The following PRIM2 variants were observed in gnomAD, a reference collection of about 807,000 sequenced individuals.
PRIM2 encodes the protein DNA primase large subunit.
PRIM2 carries 39 observed loss-of-function variants against 67.3 expected under a neutral mutation model. The ratio of observed to expected loss-of-function variants is 0.58; its 90% CI spans 0.45 to 0.76. PRIM2 has a LOEUF of 0.76. PRIM2 is among the 30% of genes least tolerant of loss of function. PRIM2 has a pLI of 0.00. For synonymous variants in PRIM2, 143 were observed against 198.7 expected, an observed-to-expected ratio of 0.72 and a Z score of 2.36; for missense variants, 398 against 598.7, an observed-to-expected ratio of 0.66 and a Z score of 3.50.
chr6:57,428,023 C>G (rs1156929238), intron 7 of PRIM2, among the ~76,000 whole-genome samples: 2 of 151,798 alleles, frequency 1.3e-5, no homozygotes, highest in African/African-American at 2.4e-5. Flanking sequence ...CCTGTGGCTA[C>G]ATTTAGACAG....
intron 12 of PRIM2, among the ~76,000 whole-genome samples, chr6:57,627,279 C>CAAAAAAAAAAAAAAAAAAAAAAAAAAAAA (rs1158722297): frequency 8.2e-5 from 2 of 24,538 alleles, no homozygotes; most frequent in African/African-American, 2.3e-4. Flanking sequence ...GACTCTGTCT[C>CAAAAAAAAAAAAAAAAAAAAAAAAAAAAA]AAAAAAAAAA....
At chr6:57,582,839 A>G (rs1302505738) in intron 10 of PRIM2, among the ~76,000 whole-genome samples, 1 of 150,978 alleles carries the variant, frequency 6.6e-6, no homozygotes, top group South Asian at 2.1e-4. Flanking sequence ...CACAATGTGC[A>G]GGTTAGTTAC....
At chr6:57,254,327 C>T in the PRIM2 span, among the ~76,000 whole-genome samples, 1 of 152,206 alleles carries the variant, frequency 6.6e-6, no homozygotes, top group Admixed American at 6.5e-5. Context: ...GATATTATGG[C>T]AACAAGTCCA....
chr6:57,359,413 G>A (rs1262244742), intron 5 of PRIM2, among the ~76,000 whole-genome samples: 1 of 152,232 alleles, frequency 6.6e-6, no homozygotes, highest in East Asian at 1.9e-4. Flanking sequence ...AGCCATCTAA[G>A]AACCTCCAGA....
intron 10 of PRIM2, among the ~76,000 whole-genome samples, chr6:57,543,086 C>T (rs1200414907): frequency 6.7e-6 from 1 of 148,466 alleles, no homozygotes; most frequent in Non-Finnish European, 1.5e-5. Flanking sequence ...ACTACAGGCG[C>T]CCGCCACCTC....
the PRIM2 span, among the ~76,000 whole-genome samples, chr6:57,276,800 A>G: frequency 1.3e-3 from 201 of 152,072 alleles, no homozygotes; most frequent in Non-Finnish European, 2.4e-3. Context: ...CAGGTGGGAG[A>G]ATGGCTTGAG....
chr6:57,440,377 G>T (rs1772165123), intron 7 of PRIM2, among the ~76,000 whole-genome samples: 1 of 152,148 alleles, frequency 6.6e-6, no homozygotes, highest in Non-Finnish European at 1.5e-5. Flanking sequence ...GTAACCTTGA[G>T]TTCCTGGGCT....
At position 57,382,158 on chromosome 6, in the gene PRIM2, A is replaced by G. The variant is rs1238136395; in HGVS notation, c.683A>G (p.Lys228Arg). The G allele has an allele frequency of 6.2e-7, 1 of 1,612,958 alleles. No homozygotes were observed. The highest frequency in any genetic ancestry group is 1.7e-5 in the Admixed American group (1 of 59,946). ...ILNEFRAKLS[K>R]ALALTARSLP... ...AATGAATTTAGAGCCAAACTGTCCA[A>G]GGCTTTGGCAGTGAGTATTTTACTT... The change falls in exon 7 of 14, where the codon AAG (lysine) becomes AGG (arginine). Residue 228 changes from lysine (K) to arginine (R), a missense_variant. By Grantham distance (26) the Lys-to-Arg change is conservative (BLOSUM62 2). Coordinates refer to ENST00000615550, the MANE Select transcript of PRIM2 (RefSeq NM_000947.5).
chr6:57,322,376 C>T (rs569094135), intron 3 of PRIM2, among the ~76,000 whole-genome samples: 14 of 152,090 alleles, frequency 9.2e-5, no homozygotes, highest in Middle Eastern at 3.4e-3. Context: ...GGCTGTGTCC[C>T]CACCCAAATC....
At chr6:57,553,081 G>A (rs1249590942) in intron 10 of PRIM2, among the ~76,000 whole-genome samples, 2 of 152,174 alleles carry the variant, frequency 1.3e-5, no homozygotes, top group African/African-American at 4.8e-5. Flanking sequence ...AAGTGATATT[G>A]TTCAGTAAAT....
chr6:57,550,800 A>C (rs1427466757), intron 10 of PRIM2, among the ~76,000 whole-genome samples: 1 of 152,230 alleles, frequency 6.6e-6, no homozygotes, highest in Non-Finnish European at 1.5e-5. Flanking sequence ...CTTCTTAAAA[A>C]GATGCCAGTT....
chr6:57,374,975 A>G (rs112321083), intron 5 of PRIM2, among the ~76,000 whole-genome samples: 3 of 152,184 alleles, frequency 2.0e-5, no homozygotes, highest in African/African-American at 7.2e-5. Context: ...GGCTGAGACA[A>G]TGGGGTTTTC....
chr6:57,329,947 C>T (rs1437610765), intron 5 of PRIM2, among the ~76,000 whole-genome samples: 1 of 152,108 alleles, frequency 6.6e-6, no homozygotes, highest in East Asian at 1.9e-4. Flanking sequence ...AGTATGAGTT[C>T]TCCAGCTTTG....
chr6:57,443,123 A>G (rs1416257155), intron 7 of PRIM2, among the ~76,000 whole-genome samples: 1 of 152,128 alleles, frequency 6.6e-6, no homozygotes, highest in East Asian at 1.9e-4. Flanking sequence ...GTGTATACAT[A>G]CCATATTTTC....
chr6:57,253,389 C>CT, the PRIM2 span, among the ~76,000 whole-genome samples: 1 of 152,104 alleles, frequency 6.6e-6, no homozygotes, highest in Admixed American at 6.6e-5. Context: ...AAAGTTTATA[C>CT]TAAATTCAGA....
chr6:57,434,195 G>A, intron 7 of PRIM2, among the ~76,000 whole-genome samples: 1 of 151,580 alleles, frequency 6.6e-6, no homozygotes, highest in East Asian at 1.9e-4. Context: ...AAAGTGTTGG[G>A]ATTACAAGTG....
intron 10 of PRIM2, among the ~76,000 whole-genome samples, chr6:57,548,199 A>T (rs1280338300): frequency 6.6e-6 from 1 of 152,240 alleles, no homozygotes; most frequent in Non-Finnish European, 1.5e-5. Flanking sequence ...GTCCCAGGTC[A>T]TGGGGCTGCA....
intron 7 of PRIM2, among the ~76,000 whole-genome samples, chr6:57,437,759 G>T (rs1437737453): frequency 6.7e-5 from 10 of 150,136 alleles, no homozygotes; most frequent in Admixed American, 4.6e-4. Context: ...TCGAACTCCT[G>T]GGCTCAAGCG....
At chr6:57,415,685 T>A (rs1771238049) in intron 7 of PRIM2, among the ~76,000 whole-genome samples, 1 of 152,224 alleles carries the variant, frequency 6.6e-6, no homozygotes, top group African/African-American at 2.4e-5. Context: ...CTCAAAGCAT[T>A]CTACTACTTG....
Sources: allele counts gnomAD v4.1 joint callset (sites outside exome capture counted in the v4.1 genomes callset), GRCh38; gene constraint gnomAD v4.1.1; transcripts MANE v1.5; gene names NCBI Gene and HGNC (gene_info 2026-07-23, HGNC 2026-07-21).